The following ELMO1 variants were observed in gnomAD, a reference collection of about 807,000 sequenced individuals.
ELMO1 encodes engulfment and cell motility 1.
Under a neutral mutation model 98.9 loss-of-function variants are expected in ELMO1, and 26 were observed. That is an observed-to-expected ratio of 0.26 (90% confidence interval 0.19 to 0.36). The LOEUF (loss-of-function observed/expected upper bound fraction) is 0.36. Ranked by LOEUF, ELMO1 falls within the 10% of genes least tolerant of loss-of-function variation. The pLI is 1.00. For synonymous variants in ELMO1, 346 were observed against 346.0 expected (o/e 1.00, Z 0.00); for missense variants, 627 against 935.2 (o/e 0.67, Z 4.30).
intron 13 of ELMO1, among the ~76,000 whole-genome samples, chr7:37,137,347 C>A (rs1393423515): frequency 2.0e-5 from 3 of 152,128 alleles, no homozygotes; most frequent in Non-Finnish European, 4.4e-5. Flanking sequence ...ACTCCACTGA[C>A]AGCACTAGAA....
intron 5 of ELMO1, chr7:37,270,827 G>A (rs1796509368): frequency 6.6e-6 from 1 of 150,646 alleles, no homozygotes; most frequent in Non-Finnish European, 1.5e-5. Flanking sequence ...TTATTTTTAT[G>A]AATTGTCATA....
rs10522661 is a variant in ELMO1 at position 36,899,684 on chromosome 7, C to CTTTTTTTTTTTTT, written c.1438-4680_1438-4668dup. Among the ~76,000 whole-genome samples the CTTTTTTTTTTTTT allele has an allele frequency of 1.6e-3, 102 of 63,672 alleles. 18 individuals are homozygous for CTTTTTTTTTTTTT. The highest frequency in any genetic ancestry group is 4.1e-3 in the African/African-American group (79 of 19,468). 41.8% of individuals were successfully genotyped at this position (63,672 alleles called of 152,430 possible). ...ACTCATTTTTACTATCTTTACTCAT[C>CTTTTTTTTTTTTT]TTTTTTTTTTTTTTTTACCACTCCT... On this transcript the variant is annotated intron_variant, in intron 16 of 21. Transcript: ENST00000310758.
At chr7:37,029,407 T>TAA (rs1379834331) in intron 15 of ELMO1, among the ~76,000 whole-genome samples, 3 of 141,302 alleles carry the variant, frequency 2.1e-5, no homozygotes, top group African/African-American at 8.7e-5. Flanking sequence ...ACTGATTTCT[T>TAA]TAAAAAAAAA....
intron 2 of ELMO1, among the ~76,000 whole-genome samples, chr7:37,333,299 C>A (rs918105773): frequency 6.6e-6 from 1 of 152,178 alleles, no homozygotes; most frequent in Non-Finnish European, 1.5e-5. Flanking sequence ...AAAATAAGCA[C>A]AAAGTGTAAC....
At chr7:36,887,935 C>A (rs1805180814) in intron 17 of ELMO1, among the ~76,000 whole-genome samples, 1 of 152,156 alleles carries the variant, frequency 6.6e-6, no homozygotes, top group Non-Finnish European at 1.5e-5. Flanking sequence ...AGCAAAGTGT[C>A]CTGAAAATTT....
intron 1 of ELMO1, among the ~76,000 whole-genome samples, chr7:37,348,620 C>A (rs1051418320): frequency 3.3e-5 from 5 of 152,044 alleles, no homozygotes; most frequent in African/African-American, 1.2e-4. Flanking sequence ...GACTCTATAA[C>A]CCGTGAACAA....
intron 16 of ELMO1, chr7:36,986,105 C>G: frequency 1.0e-6 from 1 of 990,466 alleles, no homozygotes; most frequent in East Asian, 1.1e-4. Context: ...ACCCGCCGCA[C>G]ACCTTTAAAT....
At chr7:36,878,446 A>T (rs1804148338) in intron 18 of ELMO1, among the ~76,000 whole-genome samples, 1 of 152,004 alleles carries the variant, frequency 6.6e-6, no homozygotes, top group Non-Finnish European at 1.5e-5. Context: ...CTCCTTATTC[A>T]TTTACTGACA....
intron 16 of ELMO1, among the ~76,000 whole-genome samples, chr7:36,920,285 GATTA>G (rs564464095): frequency 1.3e-5 from 2 of 152,340 alleles, no homozygotes; most frequent in African/African-American, 4.8e-5. Flanking sequence ...ATGAGATTTG[GATTA>G]ATTGTTTCAT....
intron 16 of ELMO1, among the ~76,000 whole-genome samples, chr7:36,921,688 T>G (rs1785164649): frequency 6.6e-6 from 1 of 152,206 alleles, no homozygotes; most frequent in Non-Finnish European, 1.5e-5. Context: ...CTCCTCGTTT[T>G]CCGCACAGAA....
chr7:37,365,387 C>G (rs1801865014), intron 1 of ELMO1, among the ~76,000 whole-genome samples: 1 of 152,206 alleles, frequency 6.6e-6, no homozygotes, highest in Non-Finnish European at 1.5e-5. Context: ...TGTACCCAAG[C>G]TCCCTCTAGT....
intron 1 of ELMO1, among the ~76,000 whole-genome samples, chr7:37,391,981 G>A (rs1036607287): frequency 1.3e-5 from 2 of 152,186 alleles, no homozygotes; most frequent in Admixed American, 6.5e-5. Context: ...ATGGCCCTGC[G>A]TGGACTTTGC....
At chr7:37,206,051 A>G (rs1792597320) in intron 13 of ELMO1, among the ~76,000 whole-genome samples, 1 of 151,758 alleles carries the variant, frequency 6.6e-6, no homozygotes, top group Non-Finnish European at 1.5e-5. Flanking sequence ...TTTTCACACT[A>G]CCCTCCTAGG....
At chr7:37,288,585 T>C (rs1447407638) in intron 4 of ELMO1, among the ~76,000 whole-genome samples, 1 of 152,188 alleles carries the variant, frequency 6.6e-6, no homozygotes, top group Non-Finnish European at 1.5e-5. Flanking sequence ...GGCCAAGGCC[T>C]ACAGATGGAC....
At chr7:36,959,091 A>C (rs747790958) in intron 16 of ELMO1, among the ~76,000 whole-genome samples, 1 of 152,036 alleles carries the variant, frequency 6.6e-6, no homozygotes, top group Non-Finnish European at 1.5e-5. Flanking sequence ...ACTTGACTTC[A>C]TCAGTCTCTC....
chr7:37,436,651 C>CTGGT (rs1412604142), intron 1 of ELMO1, among the ~76,000 whole-genome samples: 1 of 152,210 alleles, frequency 6.6e-6, no homozygotes. Context: ...GCTTAATGAG[C>CTGGT]TGGTGTGCCT....
chr7:37,141,000 C>T lies in ELMO1; in HGVS notation c.1087-7766G>A, dbSNP rs182093189. 2.0e-5 allele frequency among the ~76,000 whole-genome samples: 3 copies of T among 152,284 alleles called. No individual in the cohort carries two copies. The East Asian group carries it at 5.8e-4, about 29-fold the overall frequency. On this transcript the variant is annotated intron_variant, in intron 13 of 21. Transcript: ENST00000310758. ...GTTCCTTAAAGAACTAAAAGTAGATCTACCATTTGATCCAGCAATCCCACT... is the reference window on the plus strand; with the variant it reads ...GTTCCTTAAAGAACTAAAAGTAGATTTACCATTTGATCCAGCAATCCCACT...
intron 16 of ELMO1, among the ~76,000 whole-genome samples, chr7:36,997,482 G>A (rs1228080818): frequency 6.6e-6 from 1 of 152,090 alleles, no homozygotes; most frequent in Non-Finnish European, 1.5e-5. Context: ...AGGACTTGGG[G>A]ACCTACTAGA....
chr7:37,187,793 G>C (rs1791306900), intron 13 of ELMO1, among the ~76,000 whole-genome samples: 1 of 152,154 alleles, frequency 6.6e-6, no homozygotes. Context: ...TTTTTGTGTA[G>C]ACTAAAAACT....
Sources: gnomAD v4.1 joint callset for allele counts (sites outside exome capture counted in the v4.1 genomes callset) on GRCh38, gnomAD v4.1.1 for gene constraint, MANE v1.5 for transcripts, NCBI Gene and HGNC (gene_info 2026-07-23, HGNC 2026-07-21) for gene names.